TRIB2: variants seen among roughly 807,000 people sequenced by gnomAD.
The protein encoded by TRIB2 is tribbles homolog 2.
TRIB2 carries 2 observed loss-of-function variants against 26.8 expected under a neutral mutation model. That is an observed-to-expected ratio of 0.07 (90% CI 0.03 to 0.24). TRIB2 has a LOEUF of 0.24. TRIB2 is among the 10% of genes least tolerant of loss of function. TRIB2 has a pLI of 1.00. For missense variants in TRIB2, 306 were observed against 449.0 expected (o/e 0.68, Z 2.88); for synonymous variants, 189 against 187.3 (o/e 1.01, Z -0.08).
rs1157283281 is a variant in TRIB2, at chr2:12,732,585, G to A, written c.564-7741G>A. Among the ~76,000 whole-genome samples, 7 of 152,352 alleles carry A rather than the reference G, an allele frequency of 4.6e-5. No homozygotes were observed. The South Asian group carries it at 1.2e-3, about 27-fold the overall frequency. ...GTTCACTGACTCTCCAAGACTTGGT[G>A]CAGAGGTGGCTCTCAGAGGTGACTG... On this transcript the variant is annotated intron_variant, in intron 2 of 2. Coordinates refer to ENST00000155926, the MANE Select transcript of TRIB2 (RefSeq NM_021643.4). This position sits in a 1 kb window ranked among gnomAD's most constrained non-coding sequence, Gnocchi z 4.2.
In TRIB2 at chr2:12,718,470, T is replaced by C. The variant is rs1666650275; in HGVS notation, c.163T>C (p.Ser55Pro). ...GAGCCCGCCCGAGACTCCGAACTTG[T>C]CGCATTGCGTTTCTTGTATCGGGAA... The part of the protein sequence containing the change: ...SPSPPETPNL[S>P]HCVSCIGKYL... Residue 55 changes from serine (S) to proline (P), a missense_variant, in exon 1 of 3, where the codon TCG becomes CCG. Coordinates refer to ENST00000155926, the MANE Select transcript of TRIB2 (RefSeq NM_021643.4). This position sits in a 1 kb window ranked among gnomAD's most constrained non-coding sequence, Gnocchi z 4.0. 4.3e-6 allele frequency: 7 copies of C among 1,614,118 alleles called. No homozygotes were observed. The highest frequency in any genetic ancestry group is 5.1e-6 in the Non-Finnish European group (6 of 1,180,050).
At chr2:12,734,582 T>C (rs1333617470) in intron 2 of TRIB2, among the ~76,000 whole-genome samples, 2 of 152,120 alleles carry the variant, frequency 1.3e-5, no homozygotes, top group African/African-American at 4.8e-5. Flanking sequence ...CGATCATTAT[T>C]GTTGCCCCCA....
chr2:12,724,357 G>A (rs112566251), intron 2 of TRIB2, among the ~76,000 whole-genome samples: 13 of 152,314 alleles, frequency 8.5e-5, no homozygotes, highest in African/African-American at 3.1e-4. Context: ...CTCTGCTGGG[G>A]CCCTGCTTTC....
At chr2:12,727,021 G>A (rs574316980) in intron 2 of TRIB2, among the ~76,000 whole-genome samples, 3 of 152,310 alleles carry the variant, frequency 2.0e-5, no homozygotes, top group Non-Finnish European at 2.9e-5. Context: ...GACACCCAGC[G>A]TTATGTTTGG....
chr2:12,735,523 G>A (rs1333695551), intron 2 of TRIB2, among the ~76,000 whole-genome samples: 1 of 152,124 alleles, frequency 6.6e-6, no homozygotes, highest in Non-Finnish European at 1.5e-5. Flanking sequence ...CTTGCCAGCC[G>A]TAGGAGCCTA....
chr2:12,717,602 A>G lies in TRIB2; in HGVS notation c.-706A>G, dbSNP rs1666620592. On this transcript the variant is annotated 5_prime_UTR_variant, in exon 1 of 3. Transcript: ENST00000155926. This position sits in a 1 kb window ranked among gnomAD's most constrained non-coding sequence, Gnocchi z 4.8. Reference sequence around the variant, plus strand: ...GCACCAAGTTAAATGCTCCCTTGCAATTTTTCTTTTTTTTGTTTGTTTGTT... The same window carrying G: ...GCACCAAGTTAAATGCTCCCTTGCAGTTTTTCTTTTTTTTGTTTGTTTGTT... The G allele has an allele frequency of 1.0e-5, 4 of 396,972 alleles. No individual in the cohort carries two copies. The highest frequency in any genetic ancestry group is 2.8e-4 in the South Asian group (2 of 7,270). The allele number at this position is 396,972 out of a possible 1,614,324, so 24.6% of individuals were successfully genotyped here.
intron 2 of TRIB2, among the ~76,000 whole-genome samples, chr2:12,726,399 G>A (rs2103252698): frequency 6.6e-6 from 1 of 152,296 alleles, no homozygotes; most frequent in Middle Eastern, 3.4e-3. Context: ...TATTTGGCCT[G>A]CATGGTGGCC....
chr2:12,731,102 C>A (rs759434079), intron 2 of TRIB2, among the ~76,000 whole-genome samples: 6 of 152,216 alleles, frequency 3.9e-5, no homozygotes, highest in Non-Finnish European at 8.8e-5. Flanking sequence ...TGGATGTAAT[C>A]ATTATTCAAT....
chr2:12,721,021 A>G (rs144738962), intron 1 of TRIB2, among the ~76,000 whole-genome samples: 15 of 152,326 alleles, frequency 9.8e-5, no homozygotes, highest in African/African-American at 3.6e-4. Flanking sequence ...TTAAACATGT[A>G]AAGAAGCTGG....
At chr2:12,731,606 C>T (rs1285464521) in intron 2 of TRIB2, among the ~76,000 whole-genome samples, 1 of 152,148 alleles carries the variant, frequency 6.6e-6, no homozygotes, top group Non-Finnish European at 1.5e-5. Flanking sequence ...GGAGAGTGGG[C>T]TTACTCAAGG....
At chr2:12,719,314 C>T (rs1386455507) in intron 1 of TRIB2, among the ~76,000 whole-genome samples, 3 of 152,108 alleles carry the variant, frequency 2.0e-5, no homozygotes, top group South Asian at 4.2e-4. Context: ...TAAGAGGCTC[C>T]CGTTTGGAGC....
rs1251502634 is a variant in TRIB2 at position 12,741,823 on chromosome 2, A to G, written c.*1029A>G. 6.5e-6 allele frequency: 1 copy of G among 152,712 alleles called. No individual in the cohort carries two copies. The highest frequency in any genetic ancestry group is 1.5e-5 in the Non-Finnish European group (1 of 68,052). The allele number at this position is 152,712 out of a possible 1,614,324, so 9.5% of individuals were successfully genotyped here. A position where few individuals can be genotyped will look rare whatever the true frequency, so the allele number is the denominator to read the frequency against. ...AGGGCAGCTATTTAGTTTTCTTTAC[A>G]GAGAATGATCCTTTTAAGGCTTGTA... On this transcript the variant is annotated 3_prime_UTR_variant, in exon 3 of 3. Transcript: ENST00000155926.
rs1292073784 is a variant in TRIB2, at chr2:12,740,012, C to T, written c.564-314C>T. Among the ~76,000 whole-genome samples, 1 of 152,142 alleles carries T rather than the reference C, an allele frequency of 6.6e-6. No homozygotes were observed. Among genetic ancestry groups the T allele is most frequent in the Admixed American group, 6.5e-5 (1 of 15,278 alleles). Reference sequence around the variant, plus strand: ...AGAAAGCTAGTTAATCTCTTGTTCCCTCATCGCAGGGGTGATGATGATGTG... The same window carrying T: ...AGAAAGCTAGTTAATCTCTTGTTCCTTCATCGCAGGGGTGATGATGATGTG... On this transcript the variant is annotated intron_variant, in intron 2 of 2. Coordinates refer to ENST00000155926, the MANE Select transcript of TRIB2 (RefSeq NM_021643.4). The surrounding 1 kb of genome is among the most constrained non-coding windows in gnomAD (Gnocchi z 5.8).
chr2:12,724,786 T>C, intron 2 of TRIB2: 1 of 1,612,536 alleles, frequency 6.2e-7, no homozygotes, highest in Non-Finnish European at 8.5e-7. Context: ...CTCTAAGGTC[T>C]TTTCAATTAA....
chr2:12,738,459 A>G (rs1344744588), intron 2 of TRIB2, among the ~76,000 whole-genome samples: 1 of 152,160 alleles, frequency 6.6e-6, no homozygotes, highest in African/African-American at 2.4e-5. Context: ...ATGCTGTCTT[A>G]ATCCTAACTC....
At chr2:12,727,866 T>C (rs7569039) in intron 2 of TRIB2, among the ~76,000 whole-genome samples, 104,030 of 152,062 alleles carry the variant, frequency 0.68, 35,707 homozygotes, top group East Asian at 0.82. Context: ...CTGCTGGTTA[T>C]GGCTCAGAAT....
intron 2 of TRIB2, among the ~76,000 whole-genome samples, chr2:12,728,909 G>A (rs1313268969): frequency 1.3e-5 from 2 of 152,142 alleles, no homozygotes; most frequent in African/African-American, 2.4e-5. Flanking sequence ...CTCCATTGAG[G>A]TCTCAGTATC....
chr2:12,726,345 T>C (rs1661339982), intron 2 of TRIB2, among the ~76,000 whole-genome samples: 1 of 152,248 alleles, frequency 6.6e-6, no homozygotes, highest in Admixed American at 6.5e-5. Context: ...TATTTCTCCT[T>C]CTCTGCCTCC....
chr2:12,717,340 A>G lies in TRIB2; in HGVS notation c.-968A>G. 2.5e-6 allele frequency: 1 copy of G among 398,536 alleles called. No homozygotes were observed. Among genetic ancestry groups the G allele is most frequent in the South Asian group, 1.3e-4 (1 of 7,858 alleles). 24.7% of individuals were successfully genotyped at this position (398,536 alleles called of 1,614,324 possible). ...ACGCAGCTCCCCTTGCAGCGCCCGC[A>G]GGACCCCCGCAAGCTCGTGCCGGCG... On this transcript the variant is annotated 5_prime_UTR_variant, in exon 1 of 3. Transcript: ENST00000155926. The surrounding 1 kb of genome is among the most constrained non-coding windows in gnomAD (Gnocchi z 4.8).
Sources: gnomAD v4.1 joint callset for allele counts (sites outside exome capture counted in the v4.1 genomes callset) on GRCh38, gnomAD v4.1.1 for gene constraint, Gnocchi (gnomAD v3.1) non-coding constraint, MANE v1.5 for transcripts, NCBI Gene and HGNC (gene_info 2026-07-23, HGNC 2026-07-21) for gene names.